CELA3B: variants seen among roughly 807,000 people sequenced by gnomAD.
The protein encoded by CELA3B is chymotrypsin-like elastase family member 3B.
Under a neutral mutation model 37.2 loss-of-function variants are expected in CELA3B, and 34 were observed. The observed-to-expected ratio is 0.91, with a 90% CI of 0.70 to 1.22. The LOEUF is 1.22. Among genes scored for constraint, CELA3B ranks in the 50% most tolerant of loss-of-function variants. CELA3B has a pLI of 0.00. For synonymous variants in CELA3B, 127 were observed against 143.5 expected, an observed-to-expected ratio of 0.89 and a Z score of 0.82; for missense variants, 340 against 363.1, an observed-to-expected ratio of 0.94 and a Z score of 0.52.
At chr1:21,982,407 C>T (rs1275878474) in intron 4 of CELA3B, among the ~76,000 whole-genome samples, 1 of 146,998 alleles carries the variant, frequency 6.8e-6, no homozygotes, top group East Asian at 2.0e-4. Context: ...CCAGCCTGGC[C>T]AACATGGTGA....
At chr1:21,979,226 C>G (rs1189870737) in intron 2 of CELA3B, among the ~76,000 whole-genome samples, 2 of 151,138 alleles carry the variant, frequency 1.3e-5, no homozygotes. Context: ...GCATGCGCCA[C>G]CAAGCCCGGC....
At chr1:21,983,925 G>A (rs999017184) in intron 5 of CELA3B, 95 bp downstream of exon 5, 18 of 1,356,074 alleles carry the variant, frequency 1.3e-5, no homozygotes, top group South Asian at 1.4e-5. Flanking sequence ...ACCAGACCTT[G>A]TACTTTTCTC....
Position 21,981,029 on chromosome 1 carries a change from C to T in CELA3B, c.228-9C>T, listed in dbSNP as rs117965085. On this transcript the variant is annotated splice_polypyrimidine_tract_variant and intron_variant, in intron 3 of 7. Coordinates refer to ENST00000337107, the MANE Select transcript of CELA3B (RefSeq NM_007352.4). The stretch of plus-strand genomic sequence containing the variant: ...GTCAGGCCCAGACTGACCTCACCTC[C>T]GCCCGCAGGAGCTCCCGGACCTACC... 177 of 1,614,052 alleles carry T rather than the reference C, an allele frequency of 1.1e-4. 1 individual carries two copies. In the East Asian group the frequency reaches 2.1e-3, roughly 19 times the overall value.
intron 7 of CELA3B, among the ~76,000 whole-genome samples, chr1:21,988,719 G>T (rs1019476037): frequency 1.3e-5 from 2 of 151,482 alleles, no homozygotes; most frequent in Non-Finnish European, 2.9e-5. Flanking sequence ...GTGAAACCCT[G>T]TCTCTACTAA....
chr1:21,977,090 C>T lies in CELA3B; in HGVS notation c.43+8C>T, dbSNP rs1028404269. 6.2e-7 allele frequency: 1 copy of T among 1,614,018 alleles called. No individual in the cohort carries two copies. Among genetic ancestry groups the T allele is most frequent in the Non-Finnish European group, 8.5e-7 (1 of 1,180,034 alleles). The stretch of plus-strand genomic sequence containing the variant: ...TCCTCCTTGTGGCCGTTGGTAAGAC[C>T]CCAACCTGTGTGTGTGCTCCCTGGG... On this transcript the variant is annotated splice_region_variant and intron_variant, in intron 1 of 7. Transcript: ENST00000337107.
intron 7 of CELA3B, chr1:21,987,991 A>C (rs1644849422): frequency 1.3e-5 from 2 of 148,796 alleles, no homozygotes; most frequent in South Asian, 4.3e-4. Flanking sequence ...CGTATGGATC[A>C]CCTGAGGTCA....
At chr1:21,979,176 G>A (rs1196805209) in intron 2 of CELA3B, among the ~76,000 whole-genome samples, 29 of 151,148 alleles carry the variant, frequency 1.9e-4, no homozygotes, top group African/African-American at 6.6e-4. Context: ...GGGTTCAAGC[G>A]ATTCTCCTAC....
At position 21,983,917 on chromosome 1, in the gene CELA3B, C is replaced by T. The variant is rs541678103; in HGVS notation, c.499+87C>T. 4.3e-3 allele frequency: 6,005 copies of T among 1,404,952 alleles called. 13 individuals are homozygous for T. The highest frequency in any genetic ancestry group is 5.2e-3 in the Non-Finnish European group (5,341 of 1,033,426). The allele number at this position is 1,404,952 out of a possible 1,614,324, so 87.0% of individuals were successfully genotyped here. On this transcript the variant is annotated intron_variant, in intron 5 of 7. Transcript: ENST00000337107. ...TGCAGGTTGAAGGTAACACCAAGAC[C>T]AGACCTTGTACTTTTCTCCCATTTC...
chr1:21,989,081 C>T (rs187581857), intron 7 of CELA3B, among the ~76,000 whole-genome samples, 181 bp from the exon 8 acceptor site: 3,097 of 151,356 alleles, frequency 0.02, 1 homozygote, highest in Non-Finnish European at 0.03. Flanking sequence ...TAATCAAGAA[C>T]CCCCCCATGA....
intron 4 of CELA3B, among the ~76,000 whole-genome samples, chr1:21,983,056 T>C (rs1386977869): frequency 6.6e-6 from 1 of 152,160 alleles, no homozygotes; most frequent in Non-Finnish European, 1.5e-5. Flanking sequence ...TTTCTTAAAA[T>C]TGCTCAGCCT....
chr1:21,993,997 GC>G (rs1644878977), downstream of CELA3B, among the ~76,000 whole-genome samples: 1 of 150,000 alleles, frequency 6.7e-6, no homozygotes, highest in South Asian at 2.1e-4. Context: ...CCACTCAGCA[GC>G]CAGAGACATG....
rs1194053868 is a variant in CELA3B, at chr1:21,981,176, A to G, written c.362+4A>G. 1 of 1,611,380 alleles carries G rather than the reference A, an allele frequency of 6.2e-7. No homozygotes were observed. The highest frequency in any genetic ancestry group is 2.2e-5 in the East Asian group (1 of 44,812). On this transcript the variant is annotated splice_donor_region_variant and intron_variant, in intron 4 of 7. Coordinates refer to ENST00000337107, the MANE Select transcript of CELA3B (RefSeq NM_007352.4). ...ACCGCTCGTGTGTGGCCTGTGGGTG[A>G]GTGAATGCTCCGGTCTGGAACCCAG...
chr1:21,980,763 T>C, intron 2 of CELA3B, 61 bp from the exon 3 acceptor site: 2 of 1,196,290 alleles, frequency 1.7e-6, no homozygotes, highest in South Asian at 1.3e-5. Context: ...TATACAGCCA[T>C]TGGTGGCAAC....
At chr1:21,997,316 G>A (rs550293286) in intron 4 of CELA3B, among the ~76,000 whole-genome samples, 5 of 139,982 alleles carry the variant, frequency 3.6e-5, no homozygotes, top group East Asian at 2.1e-4. Context: ...AGCTGAGATC[G>A]TGCCATTGCA....
At chr1:21,989,653 G>A (rs1220808107), downstream of CELA3B, among the ~76,000 whole-genome samples, 2 of 150,702 alleles carry the variant, frequency 1.3e-5, no homozygotes, top group South Asian at 4.2e-4. Context: ...TTCAATGCAG[G>A]CATATAAACA....
intron 4 of CELA3B, among the ~76,000 whole-genome samples, chr1:21,983,121 G>A (rs12062994): frequency 0.013 from 1,937 of 152,174 alleles, 40 homozygotes; most frequent in African/African-American, 0.042. Context: ...AGGCCCAGGC[G>A]GGCATATCAG....
downstream of CELA3B, among the ~76,000 whole-genome samples, chr1:21,993,063 GC>G (rs1375282268): frequency 1.5e-4 from 22 of 151,190 alleles, 1 homozygote; most frequent in African/African-American, 4.2e-4. Flanking sequence ...CACAATATCC[GC>G]TTTTAAGACA....
Position 21,983,829 on chromosome 1 carries a change from T to C in CELA3B, c.498T>C (p.Tyr166=), listed in dbSNP as rs775636118. 1.9e-6 allele frequency: 3 copies of C among 1,613,830 alleles called. No individual in the cohort carries two copies. The highest frequency in any genetic ancestry group is 1.1e-5 in the South Asian group (1 of 91,050). ...ACATCACCGGCTGGGGCCGTCTCTA[T>C]AGTACGTGCTGACTTCTCTAGCTGG... The part of the protein sequence containing the change: ...PCYITGWGRL[Y]TNGPLPDKLQ... The change falls in exon 5 of 8, where the codon TAT becomes TAC. Residue 166 remains tyrosine, a splice_region_variant and synonymous_variant. Transcript: ENST00000337107.
rs372349295 is a variant in CELA3B, at chr1:21,981,479, C to T, written c.362+307C>T. Among the ~76,000 whole-genome samples, 123 of 151,836 alleles carry T rather than the reference C, an allele frequency of 8.1e-4. 1 individual carries two copies. The East Asian group carries it at 0.012, about 15-fold the overall frequency. On this transcript the variant is annotated intron_variant, in intron 4 of 7. Transcript: ENST00000337107. ...TCCTCTGGCATCCTTCCCCCAAAGCCGAGGGTTTCTCCATTCAATAGATGG... is the reference window on the plus strand; with the variant it reads ...TCCTCTGGCATCCTTCCCCCAAAGCTGAGGGTTTCTCCATTCAATAGATGG...
Sources: gnomAD v4.1 joint callset for allele counts (sites outside exome capture counted in the v4.1 genomes callset) on GRCh38, gnomAD v4.1.1 for gene constraint, MANE v1.5 for transcripts, NCBI Gene and HGNC (gene_info 2026-07-23, HGNC 2026-07-21) for gene names.